The following CTNND2 variants were observed in gnomAD, a reference collection of about 807,000 sequenced individuals.
CTNND2 encodes the protein catenin delta-2.
In CTNND2, 22 loss-of-function variants were observed where a neutral mutation model predicts 144.4. The observed-to-expected ratio is 0.15, with a 90% CI of 0.11 to 0.22. The LOEUF is 0.22. Among genes scored for constraint, CTNND2 ranks in the 10% least tolerant of loss-of-function variants. The probability of loss-of-function intolerance (pLI) is 1.00; values close to 1 mark genes in which losing one functional copy is unlikely to be tolerated. For synonymous variants in CTNND2, 751 were observed against 695.6 expected, an observed-to-expected ratio of 1.08 and a Z score of -1.25; for missense variants, 1,353 against 1,618.8, an observed-to-expected ratio of 0.84 and a Z score of 2.82.
chr5:11,545,810 T>C (rs1775190062), intron 3 of CTNND2, among the ~76,000 whole-genome samples: 4 of 152,104 alleles, frequency 2.6e-5, no homozygotes, highest in Admixed American at 6.6e-5. Flanking sequence ...TACATGAATG[T>C]TCATAGCAGA....
At chr5:11,137,271 T>C (rs1201826063) in intron 12 of CTNND2, among the ~76,000 whole-genome samples, 1 of 152,200 alleles carries the variant, frequency 6.6e-6, no homozygotes, top group African/African-American at 2.4e-5. Context: ...CCAATTTTAT[T>C]GGGAGCATGT....
intron 1 of CTNND2, among the ~76,000 whole-genome samples, chr5:11,739,435 C>G (rs972829986): frequency 1.3e-5 from 2 of 152,302 alleles, no homozygotes; most frequent in Non-Finnish European, 2.9e-5. Context: ...GGAAAGGCAA[C>G]CTTGCCTGCA....
intron 16 of CTNND2, among the ~76,000 whole-genome samples, chr5:11,080,196 C>G (rs893714608): frequency 3.3e-5 from 5 of 152,104 alleles, no homozygotes; most frequent in African/African-American, 1.2e-4. Context: ...AGAAGAAATA[C>G]AAATGGCTAG....
intron 2 of CTNND2, among the ~76,000 whole-genome samples, chr5:11,678,942 T>C (rs1188604305): frequency 6.6e-6 from 1 of 151,916 alleles, no homozygotes; most frequent in Admixed American, 6.6e-5. Context: ...TGCTTGGTCA[T>C]ATTGATAGAT....
At chr5:11,524,980 T>C (rs1224294115) in intron 3 of CTNND2, among the ~76,000 whole-genome samples, 1 of 152,206 alleles carries the variant, frequency 6.6e-6, no homozygotes, top group Non-Finnish European at 1.5e-5. Flanking sequence ...GTATGATAGA[T>C]TTGACAAGGA....
intron 1 of CTNND2, among the ~76,000 whole-genome samples, chr5:11,777,857 T>C (rs1337269641): frequency 1.3e-5 from 2 of 152,168 alleles, no homozygotes; most frequent in Non-Finnish European, 2.9e-5. Context: ...CCAGGTGATT[T>C]TGAGATATCT....
At chr5:11,382,595 C>CTCTGTGTGTGTGTGTGTGTGTG (rs1554046368) in intron 7 of CTNND2, among the ~76,000 whole-genome samples, 1 of 130,148 alleles carries the variant, frequency 7.7e-6, no homozygotes, top group Admixed American at 7.5e-5. Flanking sequence ...GAGTGAGACT[C>CTCTGTGTGTGTGTGTGTGTGTG]TGTGTGTGTG....
intron 9 of CTNND2, among the ~76,000 whole-genome samples, chr5:11,245,601 G>A (rs1000145961): frequency 3.3e-5 from 5 of 152,174 alleles, no homozygotes; most frequent in Non-Finnish European, 7.3e-5. Context: ...AACCTCTAAA[G>A]GGAGCCTGGC....
chr5:11,494,503 A>G (rs1487418407), intron 3 of CTNND2, among the ~76,000 whole-genome samples: 1 of 152,176 alleles, frequency 6.6e-6, no homozygotes, highest in East Asian at 1.9e-4. Context: ...AATAAATACA[A>G]ATAATTTTCA....
At chr5:11,395,462 C>T (rs910618629) in intron 6 of CTNND2, among the ~76,000 whole-genome samples, 19 of 152,182 alleles carry the variant, frequency 1.2e-4, no homozygotes, top group African/African-American at 4.6e-4. Flanking sequence ...CTACCAGTAA[C>T]CTTTGCCTCA....
chr5:11,251,234 G>GC (rs1419004101), intron 9 of CTNND2, among the ~76,000 whole-genome samples: 2 of 152,078 alleles, frequency 1.3e-5, no homozygotes, highest in Non-Finnish European at 2.9e-5. Context: ...TTCACAGGGT[G>GC]CCCCCCAGGC....
chr5:11,257,173 C>T (rs1744340309), intron 9 of CTNND2, among the ~76,000 whole-genome samples: 1 of 152,170 alleles, frequency 6.6e-6, no homozygotes, highest in African/African-American at 2.4e-5. Context: ...AGGTTTTCTC[C>T]ACTGAATCTC....
chr5:11,299,000 A>C (rs528861414), intron 9 of CTNND2, among the ~76,000 whole-genome samples: 7 of 150,300 alleles, frequency 4.7e-5, no homozygotes, highest in African/African-American at 1.7e-4. Flanking sequence ...TTTTTATTCC[A>C]CTGTATAGAA....
chr5:11,780,054 G>A (rs1006161859), intron 1 of CTNND2, among the ~76,000 whole-genome samples: 2 of 152,144 alleles, frequency 1.3e-5, no homozygotes, highest in African/African-American at 4.8e-5. Flanking sequence ...TTCCTGGGAG[G>A]GACCCCACTC....
At chr5:11,030,538 G>A (rs1309488726) in intron 16 of CTNND2, among the ~76,000 whole-genome samples, 1 of 151,836 alleles carries the variant, frequency 6.6e-6, no homozygotes, top group East Asian at 1.9e-4. Context: ...TTTCTTTAGT[G>A]AATTTTTCAT....
intron 1 of CTNND2, among the ~76,000 whole-genome samples, chr5:11,894,721 A>G (rs1192285402): frequency 6.6e-6 from 1 of 152,214 alleles, no homozygotes; most frequent in Non-Finnish European, 1.5e-5. Context: ...ACAAATGACA[A>G]AATAGGCAAA....
intron 2 of CTNND2, among the ~76,000 whole-genome samples, chr5:11,592,287 T>TCTTC (rs1171754542): frequency 2.6e-5 from 4 of 151,154 alleles, no homozygotes; most frequent in African/African-American, 9.7e-5. Flanking sequence ...TTCCTTCCTT[T>TCTTC]CTGCCTTCCT....
chr5:11,587,576 A>G (rs1322788297), intron 2 of CTNND2, among the ~76,000 whole-genome samples: 1 of 152,094 alleles, frequency 6.6e-6, no homozygotes, highest in African/African-American at 2.4e-5. Context: ...CTTCACACTT[A>G]GTTTATAACT....
At chr5:11,451,139 T>C (rs1765278980) in intron 3 of CTNND2, among the ~76,000 whole-genome samples, 1 of 151,954 alleles carries the variant, frequency 6.6e-6, no homozygotes, top group African/African-American at 2.4e-5. Flanking sequence ...ATATATAAAA[T>C]ACGAATATAA....
Sources: allele counts gnomAD v4.1 joint callset (sites outside exome capture counted in the v4.1 genomes callset), GRCh38; gene constraint gnomAD v4.1.1; transcripts MANE v1.5; gene names NCBI Gene and HGNC (gene_info 2026-07-23, HGNC 2026-07-21).